The following KHDRBS1 variants were observed in gnomAD, a reference collection of about 807,000 sequenced individuals.
KHDRBS1 encodes the protein KH domain-containing, RNA-binding, signal transduction-associated protein 1.
Under a neutral mutation model 48.4 loss-of-function variants are expected in KHDRBS1, and 7 were observed. The observed-to-expected ratio is 0.14, with a 90% CI of 0.08 to 0.27. The LOEUF (loss-of-function observed/expected upper bound fraction) is 0.27, where lower values mean the gene tolerates loss of function less well. Ranked by LOEUF, KHDRBS1 falls within the 10% of genes least tolerant of loss-of-function variation. The pLI, the probability that KHDRBS1 is intolerant of heterozygous loss-of-function variation, is 1.00. For synonymous variants in KHDRBS1, 241 were observed against 235.8 expected (o/e 1.02, Z -0.20); for missense variants, 458 against 601.2 (o/e 0.76, Z 2.49).
intron 7 of KHDRBS1, among the ~76,000 whole-genome samples, chr1:32,039,116 A>T (rs1340038733): frequency 6.6e-6 from 1 of 152,214 alleles, no homozygotes; most frequent in African/African-American, 2.4e-5. Context: ...ATTTCTCTTT[A>T]AGACCATTTC....
intron 10 of KHDRBS1, among the ~76,000 whole-genome samples, chr1:32,059,541 A>T (rs1639519957): frequency 7.4e-6 from 1 of 135,242 alleles, no homozygotes; most frequent in Non-Finnish European, 1.6e-5. Flanking sequence ...CTCTTTCTTT[A>T]AAAAAAAAAA....
rs1256114017 is a variant in KHDRBS1, at chr1:32,039,535, A to G, written c.1196A>G (p.Tyr399Cys). The G allele has an allele frequency of 3.3e-6, 5 of 1,520,102 alleles. No homozygotes were observed. The highest frequency in any genetic ancestry group is 1.4e-5 in the African/African-American group (1 of 73,078). The allele number at this position is 1,520,102 out of a possible 1,614,324, so 94.2% of individuals were successfully genotyped here. A position where few individuals can be genotyped will look rare whatever the true frequency, so the allele number is the denominator to read the frequency against. Reference protein sequence around the residue: ...QSQGDSEYYDYGHGEVQDSYE... With the variant: ...QSQGDSEYYDCGHGEVQDSYE... ...TTCAGGGACTCAGAATATTATGACTATGGACATGGGGAGGTTCAAGATTCT... is the reference window on the plus strand; with the variant it reads ...TTCAGGGACTCAGAATATTATGACTGTGGACATGGGGAGGTTCAAGATTCT... The change falls in exon 8 of 9, where the codon TAT becomes TGT. Residue 399 changes from tyrosine to cysteine, a missense_variant. Physicochemically the swap from Tyr to Cys is radical, Grantham distance 194. Transcript: ENST00000327300.
At position 32,042,908 on chromosome 1, in the gene KHDRBS1, C is replaced by A; in HGVS notation, c.*284C>A. On this transcript the variant is annotated 3_prime_UTR_variant, in exon 9 of 9. Transcript: ENST00000327300. ...TGTTTAAATATAAACAGAAGTGTAC[C>A]TTTTATAATAAAAAAAAGAAGTTGA... is the stretch of plus-strand genomic sequence containing the variant. The A allele has an allele frequency of 1.0e-5, 2 of 191,904 alleles. No homozygotes were observed. The highest frequency in any genetic ancestry group is 6.0e-5 in the Admixed American group (1 of 16,580). The allele number at this position is 191,904 out of a possible 1,614,324, so 11.9% of individuals were successfully genotyped here. A position where few individuals can be genotyped will look rare whatever the true frequency, so the allele number is the denominator to read the frequency against.
At chr1:32,016,364 T>TA (rs1222489925) in intron 1 of KHDRBS1, among the ~76,000 whole-genome samples, 4 of 152,156 alleles carry the variant, frequency 2.6e-5, no homozygotes, top group African/African-American at 9.7e-5. Context: ...ATAATTTGCC[T>TA]AAGGTAACAA....
chr1:32,032,626 A>G (rs114629600), intron 3 of KHDRBS1, among the ~76,000 whole-genome samples: 1,798 of 152,280 alleles, frequency 0.012, 27 homozygotes, highest in African/African-American at 0.041. Flanking sequence ...ATTTAAGACA[A>G]CAATTAACTG....
chr1:32,046,200 G>T (rs560183789), downstream of KHDRBS1, among the ~76,000 whole-genome samples: 70 of 149,668 alleles, frequency 4.7e-4, 1 homozygote, highest in South Asian at 8.4e-4. Flanking sequence ...TTTTTTTTTG[G>T]TTTTTTTGGT....
rs1639242299 is a variant in KHDRBS1, at chr1:32,039,436, C to T, written c.1176-79C>T. ...TGTATTAATACACTTAGTAAAATGA[C>T]TGACTTATGGAAGTATTTGAGAGAA... On this transcript the variant is annotated intron_variant, in intron 7 of 8. Transcript: ENST00000327300. 3 of 781,326 alleles carry T rather than the reference C, an allele frequency of 3.8e-6. No homozygotes were observed. In the Admixed American group the frequency reaches 5.2e-5, roughly 14 times the overall value. The allele number at this position is 781,326 out of a possible 1,614,324, so 48.4% of individuals were successfully genotyped here.
At position 32,015,484 on chromosome 1, in the gene KHDRBS1, TTC is replaced by T. The variant is rs1267554343; in HGVS notation, c.382+1111_382+1112del. Among the ~76,000 whole-genome samples the T allele has an allele frequency of 6.6e-5, 10 of 152,350 alleles. No homozygotes were observed. The East Asian group carries it at 1.5e-3, about 23-fold the overall frequency. ...TGAAAATATTATCTCCCTCCCTTTG[TTC>T]TCTGTCTCCCAACACTGTAAGGTAA... is the stretch of plus-strand genomic sequence containing the variant. On this transcript the variant is annotated intron_variant, in intron 1 of 8. Coordinates refer to ENST00000327300, the MANE Select transcript of KHDRBS1 (RefSeq NM_006559.3).
intron 1 of KHDRBS1, among the ~76,000 whole-genome samples, chr1:32,024,488 T>TA (rs1313776398): frequency 1.4e-5 from 2 of 144,694 alleles, no homozygotes; most frequent in Non-Finnish European, 3.0e-5. Flanking sequence ...TTTAATTTAT[T>TA]TTTTTTTTTT....
At chr1:32,054,326 G>GGA (rs1639455461) in intron 10 of KHDRBS1, 1 of 152,076 alleles carries the variant, frequency 6.6e-6, no homozygotes, top group African/African-American at 2.4e-5. Flanking sequence ...CTCCTTTGTG[G>GGA]GAGAGTGAAG....
chr1:32,054,972 T>C (rs1280250392), intron 10 of KHDRBS1, among the ~76,000 whole-genome samples: 1 of 152,158 alleles, frequency 6.6e-6, no homozygotes, highest in African/African-American at 2.4e-5. Context: ...GTCTAGAAGT[T>C]AGGATAACCA....
rs937081231 is a variant in KHDRBS1 at position 32,038,730 on chromosome 1, T to C, written c.1175+111T>C. 4 of 1,022,302 alleles carry C rather than the reference T, an allele frequency of 3.9e-6. No individual in the cohort carries two copies. The Middle Eastern group carries it at 8.3e-4, about 212-fold the overall frequency. 63.3% of individuals were successfully genotyped at this position (1,022,302 alleles called of 1,614,324 possible). A position where few individuals can be genotyped will look rare whatever the true frequency, so the allele number is the denominator to read the frequency against. ...CCTAAGGAGCAGAATGGTTCGCCTT[T>C]TGAGGGTATCTCCTCTGCAACCCCC... On this transcript the variant is annotated intron_variant, in intron 7 of 8. Transcript: ENST00000327300.
At chr1:32,025,803 A>C (rs1332635986) in intron 1 of KHDRBS1, among the ~76,000 whole-genome samples, 1 of 137,062 alleles carries the variant, frequency 7.3e-6, no homozygotes, top group Non-Finnish European at 1.5e-5. Context: ...GTGCAGTTGC[A>C]CAGTCATCAT....
At chr1:32,014,489 C>T (rs1181701858) in intron 1 of KHDRBS1, 112 bp downstream of exon 1, 8 of 1,070,628 alleles carry the variant, frequency 7.5e-6, no homozygotes, top group Non-Finnish European at 9.7e-6. Flanking sequence ...GTCGGGAGTT[C>T]CGGTCTCATC....
In KHDRBS1 at chr1:32,013,984, A is replaced by T. The variant is rs530783649; in HGVS notation, c.-12A>T. ...GTCGCTTTCTCGCTCCTTGGATCGC[A>T]CATCCTCCCAGATGCAGCGCCGGGA... On this transcript the variant is annotated 5_prime_UTR_variant, in exon 1 of 9. Transcript: ENST00000327300. 4.0e-6 allele frequency: 6 copies of T among 1,489,636 alleles called. No homozygotes were observed. In the East Asian group the frequency reaches 1.1e-4, roughly 28 times the overall value. 92.3% of individuals were successfully genotyped at this position (1,489,636 alleles called of 1,614,324 possible). A position where few individuals can be genotyped will look rare whatever the true frequency, so the allele number is the denominator to read the frequency against.
At chr1:32,031,460 A>G (rs577649541) in intron 2 of KHDRBS1, 64 bp from the exon 3 acceptor site, 3 of 1,009,548 alleles carry the variant, frequency 3.0e-6, no homozygotes, top group Non-Finnish European at 4.4e-6. Flanking sequence ...CAAGTGAGGT[A>G]ATTTATGTGG....
At chr1:32,017,600 CTTTTTTT>C (rs34505125) in intron 1 of KHDRBS1, among the ~76,000 whole-genome samples, 5 of 73,820 alleles carry the variant, frequency 6.8e-5, no homozygotes, top group Admixed American at 4.1e-4. Flanking sequence ...TCTTTTTCTA[CTTTTTTT>C]TTTTTTTTTT....
chr1:32,030,219 T>G lies in KHDRBS1; in HGVS notation c.383-79T>G, dbSNP rs867211001. The G allele has an allele frequency of 6.9e-5, 83 of 1,196,392 alleles. No individual in the cohort carries two copies. In the Middle Eastern group the frequency reaches 1.7e-3, roughly 25 times the overall value. 74.1% of individuals were successfully genotyped at this position (1,196,392 alleles called of 1,614,324 possible). A position where few individuals can be genotyped will look rare whatever the true frequency, so the allele number is the denominator to read the frequency against. ...AACTATTTGGTTTCACTATATGGTA[T>G]TCCATGTTATTGCTTTAAGCAGACT... On this transcript the variant is annotated intron_variant, in intron 1 of 8. Transcript: ENST00000327300.
intron 1 of KHDRBS1, among the ~76,000 whole-genome samples, chr1:32,019,674 T>C (rs1638817791): frequency 6.6e-6 from 1 of 152,230 alleles, no homozygotes; most frequent in Non-Finnish European, 1.5e-5. Context: ...TAAGACTACA[T>C]ACAGTATAAT....
Sources: allele counts gnomAD v4.1 joint callset (sites outside exome capture counted in the v4.1 genomes callset), GRCh38; gene constraint gnomAD v4.1.1; transcripts MANE v1.5; gene names NCBI Gene and HGNC (gene_info 2026-07-23, HGNC 2026-07-21).